The following SLCO1B3 variants were observed in gnomAD, a reference collection of about 807,000 sequenced individuals.
SLCO1B3 encodes solute carrier organic anion transporter family member 1B3.
Under a neutral mutation model 71.8 loss-of-function variants are expected in SLCO1B3, and 72 were observed. That is an observed-to-expected ratio of 1.00 (90% CI 0.83 to 1.22). The LOEUF (loss-of-function observed/expected upper bound fraction) is 1.22, where lower values mean the gene tolerates loss of function less well. SLCO1B3 is among the 50% of genes most tolerant of loss of function. The pLI is 0.00. For missense variants in SLCO1B3, 911 were observed against 819.7 expected (o/e 1.11, Z -1.36); for synonymous variants, 298 against 278.4 (o/e 1.07, Z -0.70).
intron 3 of SLCO1B3, among the ~76,000 whole-genome samples, chr12:20,833,996 A>G (rs1056904212): frequency 7.0e-6 from 1 of 142,816 alleles, no homozygotes; most frequent in Non-Finnish European, 1.5e-5. Flanking sequence ...ATATATGTCT[A>G]TGTGTGGATA....
intron 13 of SLCO1B3, among the ~76,000 whole-genome samples, chr12:20,885,922 T>C (rs930155329): frequency 2.0e-5 from 3 of 152,074 alleles, no homozygotes; most frequent in Admixed American, 1.3e-4. Flanking sequence ...GCATGACTTG[T>C]GTTTTTGGAA....
rs368611921 is a variant in SLCO1B3, at chr12:20,906,897, C to T, written c.1865+5430C>T. 8.1e-4 allele frequency among the ~76,000 whole-genome samples: 123 copies of T among 152,166 alleles called. 2 individuals carry two copies. The South Asian group carries it at 0.024, about 30-fold the overall frequency. ...TAACTTTGAGCCAACAGCAATACTT[C>T]TAGGAATTTATCCTAAAGATATCTA... is the stretch of plus-strand genomic sequence containing the variant. On this transcript the variant is annotated intron_variant, in intron 15 of 15. Coordinates refer to ENST00000381545, the MANE Select transcript of SLCO1B3 (RefSeq NM_019844.4).
chr12:20,845,165 T>A, intron 3 of SLCO1B3: 1 of 468,502 alleles, frequency 2.1e-6, no homozygotes, highest in Non-Finnish European at 4.3e-6. Context: ...GGGCTGATTG[T>A]GACCCTATGT....
At chr12:20,909,302 AC>A (rs927491529) in intron 15 of SLCO1B3, among the ~76,000 whole-genome samples, 1 of 148,368 alleles carries the variant, frequency 6.7e-6, no homozygotes, top group African/African-American at 2.5e-5. Context: ...AGTAGCTGGG[AC>A]TACAGGCACC....
chr12:20,862,318 A>C, intron 6 of SLCO1B3, 94 bp from the exon 7 acceptor site: 2 of 1,378,866 alleles, frequency 1.5e-6, no homozygotes, highest in Non-Finnish European at 2.0e-6. Flanking sequence ...ACAAACAAAC[A>C]AAAAATGGAA....
rs776415937 is a variant in SLCO1B3 at position 20,862,866 on chromosome 12, T to C, written c.727+12T>C. The C allele has an allele frequency of 7.1e-7, 1 of 1,408,316 alleles. No homozygotes were observed. Among genetic ancestry groups the C allele is most frequent in the East Asian group, 2.3e-5 (1 of 43,874 alleles). The allele number at this position is 1,408,316 out of a possible 1,614,324, so 87.2% of individuals were successfully genotyped here. On this transcript the variant is annotated intron_variant, in intron 8 of 15. Transcript: ENST00000381545. ...ATATGTAGATCTGAGTAAGTACAATTAGAACAAGGTACCATGATAGTGTCT... is the reference window on the plus strand; with the variant it reads ...ATATGTAGATCTGAGTAAGTACAATCAGAACAAGGTACCATGATAGTGTCT...
At chr12:20,841,112 C>T (rs1490431280) in intron 3 of SLCO1B3, among the ~76,000 whole-genome samples, 1 of 151,900 alleles carries the variant, frequency 6.6e-6, no homozygotes, top group Admixed American at 6.6e-5. Context: ...GCACTATTTC[C>T]TTTCTGGTTT....
chr12:20,875,121 A>T, intron 8 of SLCO1B3, 114 bp from the exon 9 acceptor site: 1 of 1,262,472 alleles, frequency 7.9e-7, no homozygotes, highest in Non-Finnish European at 1.1e-6. Context: ...TTGAAAGTAA[A>T]CATTTGGTTT....
In SLCO1B3 at chr12:20,859,953, CT is replaced by C. The variant is rs768328762; in HGVS notation, c.360-1043del. Among the ~76,000 whole-genome samples the C allele has an allele frequency of 3.9e-3, 465 of 117,990 alleles. 2 individuals are homozygous for C. The highest frequency in any genetic ancestry group is 0.022 in the East Asian group (93 of 4,316). 77.4% of individuals were successfully genotyped at this position (117,990 alleles called of 152,430 possible). On this transcript the variant is annotated intron_variant, in intron 5 of 15. Transcript: ENST00000381545. ...CACCTCCAAGAAAAGCTGATCATTT[CT>C]TTTTTTTTTTTTTTTTTTTTGAGAC...
chr12:20,841,277 T>C (rs61219310), intron 3 of SLCO1B3, among the ~76,000 whole-genome samples: 9,482 of 152,164 alleles, frequency 0.062, 372 homozygotes, highest in East Asian at 0.18. Context: ...TTTTACTTGA[T>C]GTTAGAAAAA....
intron 3 of SLCO1B3, among the ~76,000 whole-genome samples, chr12:20,824,545 A>T (rs1018884036): frequency 3.3e-5 from 5 of 152,328 alleles, no homozygotes; most frequent in Non-Finnish European, 7.4e-5. Flanking sequence ...CACCATTGAC[A>T]AGTAAATTTG....
chr12:20,841,504 C>T (rs1264100437), intron 3 of SLCO1B3, among the ~76,000 whole-genome samples: 1 of 76,550 alleles, frequency 1.3e-5, no homozygotes, highest in South Asian at 9.1e-4. Flanking sequence ...CATTGCCTGC[C>T]ATAATTGCAC....
chr12:20,817,313 T>C (rs10770742), intron 3 of SLCO1B3, among the ~76,000 whole-genome samples: 80,509 of 151,946 alleles, frequency 0.53, 21,963 homozygotes, highest in East Asian at 0.74. Flanking sequence ...TCCCCAATAT[T>C]TTATTGAGGT....
chr12:20,832,446 T>A (rs1864562306), intron 3 of SLCO1B3, among the ~76,000 whole-genome samples: 1 of 152,102 alleles, frequency 6.6e-6, no homozygotes, highest in African/African-American at 2.4e-5. Context: ...TCAAATTACC[T>A]GTACCCCTAT....
At position 20,810,724 on chromosome 12, in the gene SLCO1B3, A is replaced by C. The variant is rs960725805; in HGVS notation, c.-221A>C. On this transcript the variant is annotated 5_prime_UTR_variant, in exon 1 of 16. Coordinates refer to ENST00000381545, the MANE Select transcript of SLCO1B3 (RefSeq NM_019844.4). ...AAAGTGAGACTTTAACATCAGAAAA[A>C]GGATGGACTTGTTGCAGTTGCTGTA... 1.3e-5 allele frequency: 2 copies of C among 152,244 alleles called. No individual in the cohort carries two copies. The highest frequency in any genetic ancestry group is 4.8e-5 in the African/African-American group (2 of 41,466). 9.4% of individuals were successfully genotyped at this position (152,244 alleles called of 1,614,324 possible).
intron 13 of SLCO1B3, among the ~76,000 whole-genome samples, chr12:20,896,519 T>A (rs1263685155): frequency 6.6e-6 from 1 of 152,188 alleles, no homozygotes; most frequent in African/African-American, 2.4e-5. Flanking sequence ...TGCTCCAGTT[T>A]CCAACAAGTT....
intron 3 of SLCO1B3, among the ~76,000 whole-genome samples, chr12:20,820,320 G>C (rs1403367736): frequency 1.3e-5 from 2 of 152,198 alleles, no homozygotes; most frequent in African/African-American, 4.8e-5. Flanking sequence ...CCTTGGGCCA[G>C]AGTTCCAGGG....
chr12:20,817,546 G>T (rs1418002728), intron 3 of SLCO1B3, among the ~76,000 whole-genome samples: 4 of 152,064 alleles, frequency 2.6e-5, no homozygotes, highest in African/African-American at 9.7e-5. Flanking sequence ...CTATGTGTCT[G>T]TTTATATGCC....
intron 3 of SLCO1B3, among the ~76,000 whole-genome samples, chr12:20,831,804 C>T (rs1190541878): frequency 6.6e-6 from 1 of 152,008 alleles, no homozygotes; most frequent in East Asian, 1.9e-4. Flanking sequence ...TCTAATTCAG[C>T]AACATAAAAA....
Sources: gnomAD v4.1 joint callset for allele counts (sites outside exome capture counted in the v4.1 genomes callset) on GRCh38, gnomAD v4.1.1 for gene constraint, MANE v1.5 for transcripts, NCBI Gene and HGNC (gene_info 2026-07-23, HGNC 2026-07-21) for gene names.